Variants in PITPNM2 observed in about 807,000 individuals in gnomAD.
The protein encoded by PITPNM2 is membrane-associated phosphatidylinositol transfer protein 2.
A neutral mutation model predicts 132.2 loss-of-function variants in PITPNM2; 35 were observed. The ratio of observed to expected loss-of-function variants is 0.26; its 90% CI spans 0.20 to 0.35. The LOEUF (loss-of-function observed/expected upper bound fraction) is 0.35, where lower values mean the gene tolerates loss of function less well. Among genes scored for constraint, PITPNM2 ranks in the 10% least tolerant of loss-of-function variants. PITPNM2 has a pLI of 1.00. For synonymous variants in PITPNM2, 738 were observed against 799.2 expected (o/e 0.92, Z 1.29); for missense variants, 1,332 against 1,912.0 (o/e 0.70, Z 5.66).
intron 4 of PITPNM2, 106 bp from the exon 5 acceptor site, chr12:123,012,840 A>T: frequency 6.8e-7 from 1 of 1,465,426 alleles, no homozygotes; most frequent in East Asian, 2.3e-5. Context: ...GTGAGCGGGC[A>T]TGGAAGGAGG....
chr12:123,122,794 T>C (rs1423762335), intron 1 of PITPNM2, among the ~76,000 whole-genome samples: 2 of 152,204 alleles, frequency 1.3e-5, no homozygotes, highest in African/African-American at 4.8e-5. Context: ...GGAACTACCC[T>C]ACAGCCTGCC....
chr12:122,994,771 C>A lies in PITPNM2; in HGVS notation c.2233+30G>T, dbSNP rs568021314. 4 of 1,592,870 alleles carry A rather than the reference C, an allele frequency of 2.5e-6. No homozygotes were observed. The highest frequency in any genetic ancestry group is 2.6e-6 in the Non-Finnish European group (3 of 1,171,998). On this transcript the variant is annotated intron_variant, in intron 15 of 25. Transcript: ENST00000320201. This position sits in a 1 kb window ranked among gnomAD's most constrained non-coding sequence, Gnocchi z 5.4. The stretch of plus-strand genomic sequence containing the variant: ...CCCGCCCCCGCACCCAGTGCATGTA[C>A]CCCCCATCCTGCCCCTGCTGGGCTC...
chr12:123,039,843 T>TA (rs2040401616), intron 2 of PITPNM2, among the ~76,000 whole-genome samples: 1 of 151,948 alleles, frequency 6.6e-6, no homozygotes, highest in Non-Finnish European at 1.5e-5. Context: ...AAACAGCTCT[T>TA]AAAAAAAATA....
intron 2 of PITPNM2, among the ~76,000 whole-genome samples, chr12:123,062,724 C>A (rs1378521357): frequency 1.3e-5 from 2 of 152,176 alleles, no homozygotes; most frequent in Non-Finnish European, 2.9e-5. Flanking sequence ...AGCCTCACCT[C>A]AGTTCAGGAA....
At position 123,022,475 on chromosome 12, in the gene PITPNM2, G is replaced by A. The variant is rs2136334384; in HGVS notation, c.79-8433C>T. 6.6e-6 allele frequency among the ~76,000 whole-genome samples: 1 copy of A among 152,204 alleles called. No individual in the cohort carries two copies. The highest frequency in any genetic ancestry group is 2.4e-5 in the African/African-American group (1 of 41,530). On this transcript the variant is annotated intron_variant, in intron 3 of 25. Coordinates refer to ENST00000320201, the MANE Select transcript of PITPNM2 (RefSeq NM_020845.3). The surrounding 1 kb of genome is among the most constrained non-coding windows in gnomAD (Gnocchi z 4.9). ...GCAGGCAGGGAGAGAGGGCTTCCTG[G>A]AAAAAGAGGCTACCAAGGGAGGCAA...
intron 1 of PITPNM2, among the ~76,000 whole-genome samples, chr12:123,123,932 C>T (rs529440625): frequency 4.8e-5 from 7 of 144,508 alleles, no homozygotes; most frequent in Admixed American, 6.9e-5. Context: ...CAAGATTCTG[C>T]CTCAAAAAAA....
intron 3 of PITPNM2, among the ~76,000 whole-genome samples, chr12:123,021,049 A>G (rs1416345263): frequency 6.6e-6 from 1 of 151,070 alleles, no homozygotes; most frequent in South Asian, 2.1e-4. Flanking sequence ...AAAAAAAAAA[A>G]AAAAAAGAAA....
At chr12:123,033,193 G>A (rs752126422) in intron 3 of PITPNM2, among the ~76,000 whole-genome samples, 7 of 152,244 alleles carry the variant, frequency 4.6e-5, no homozygotes, top group Non-Finnish European at 7.3e-5. Flanking sequence ...AGGGACTGGA[G>A]GCACTGATAT....
intron 18 of PITPNM2, among the ~76,000 whole-genome samples, 167 bp from the exon 19 acceptor site, chr12:122,989,039 C>G (rs1221711197): frequency 1.3e-5 from 2 of 152,178 alleles, no homozygotes; most frequent in Non-Finnish European, 2.9e-5. Flanking sequence ...CGGGAGGGAG[C>G]GCAGGCAAAA....
chr12:123,001,091 C>T lies in PITPNM2; in HGVS notation c.1116G>A (p.Met372Ile), dbSNP rs946253366. The change falls in exon 9 of 26, where the codon ATG becomes ATA. Residue 372 changes from methionine to isoleucine, a missense_variant. By Grantham distance (10) the Met-to-Ile change is conservative. Around this residue, in one of 6 missense-constraint regions of PITPNM2, gnomAD observed 710 missense variants for 911.5 expected, o/e 0.78. Coordinates refer to ENST00000320201, the MANE Select transcript of PITPNM2 (RefSeq NM_020845.3). The stretch of plus-strand genomic sequence containing the variant: ...CCGGCTCTGGGCTCTCGATCTTGTC[C>T]ATGAGGTCATTGGAGCTCCACTTGG... ...DITKWSSNDLMDKIESPEPED... is the reference protein window; with the variant it reads ...DITKWSSNDLIDKIESPEPED... 6.2e-7 allele frequency: 1 copy of T among 1,614,100 alleles called. No homozygotes were observed. The highest frequency in any genetic ancestry group is 1.3e-5 in the African/African-American group (1 of 74,932).
intron 8 of PITPNM2, 93 bp from the exon 9 acceptor site, chr12:123,001,251 C>G: frequency 1.1e-6 from 1 of 923,542 alleles, no homozygotes; most frequent in Non-Finnish European, 1.8e-6. Flanking sequence ...CGGCTCTGCT[C>G]TGACCGTTCC....
In PITPNM2 at chr12:123,096,828, A is replaced by G. The variant is rs564939410; in HGVS notation, c.-96+13557T>C. Among the ~76,000 whole-genome samples, 4 of 152,286 alleles carry G rather than the reference A, an allele frequency of 2.6e-5. No homozygotes were observed. In the South Asian group the frequency reaches 8.3e-4, roughly 32 times the overall value. The stretch of plus-strand genomic sequence containing the variant: ...GGCTTGTGGAAGTCAGGAGCCACCC[A>G]GCAGGATGGCAGGCTGGCCATAGAA... On this transcript the variant is annotated intron_variant, in intron 2 of 25. Coordinates refer to ENST00000320201, the MANE Select transcript of PITPNM2 (RefSeq NM_020845.3).
chr12:123,126,433 A>G (rs985066312), intron 1 of PITPNM2, among the ~76,000 whole-genome samples: 2 of 152,208 alleles, frequency 1.3e-5, no homozygotes, highest in Non-Finnish European at 2.9e-5. Context: ...CAGACCACCA[A>G]GCTTCAGGCG....
At chr12:123,051,570 T>C (rs1016833585) in intron 2 of PITPNM2, among the ~76,000 whole-genome samples, 1 of 152,256 alleles carries the variant, frequency 6.6e-6, no homozygotes, top group African/African-American at 2.4e-5. Context: ...TTAAATGCAC[T>C]GAACAGTTAT....
intron 1 of PITPNM2, among the ~76,000 whole-genome samples, chr12:123,149,536 G>A (rs1269320019): frequency 6.6e-6 from 1 of 152,192 alleles, no homozygotes; most frequent in African/African-American, 2.4e-5. Context: ...TCTGCTCCAC[G>A]GAGACACTGA....
In PITPNM2 at chr12:123,096,338, G is replaced by A. The variant is rs764190197; in HGVS notation, c.-96+14047C>T. Among the ~76,000 whole-genome samples, 42 of 152,168 alleles carry A rather than the reference G, an allele frequency of 2.8e-4. 1 individual carries two copies. The highest frequency in any genetic ancestry group is 1.6e-4 in the Non-Finnish European group (11 of 68,036). ...GGCCACAGAAGAGGAATGGGCTCGC[G>A]GGAAGCCACTTCCCATGATTGGTGA... On this transcript the variant is annotated intron_variant, in intron 2 of 25. Transcript: ENST00000320201.
In PITPNM2 at chr12:123,008,657, G is replaced by A. The variant is rs1055363696; in HGVS notation, c.643+1193C>T. On this transcript the variant is annotated intron_variant, in intron 6 of 25. Coordinates refer to ENST00000320201, the MANE Select transcript of PITPNM2 (RefSeq NM_020845.3). This position sits in a 1 kb window ranked among gnomAD's most constrained non-coding sequence, Gnocchi z 4.1. ...GGAATGCATCCCTCTCAATGGATGG[G>A]ACAGCTTCCTTCTCTTCCTGCCACC... 1.3e-5 allele frequency among the ~76,000 whole-genome samples: 2 copies of A among 152,202 alleles called. No homozygotes were observed. The highest frequency in any genetic ancestry group is 4.1e-4 in the South Asian group (2 of 4,824).
Position 123,004,701 on chromosome 12 carries a change from C to A in PITPNM2, c.953-212G>T. On this transcript the variant is annotated intron_variant, in intron 7 of 25. Transcript: ENST00000320201. This position sits in a 1 kb window ranked among gnomAD's most constrained non-coding sequence, Gnocchi z 4.9. ...TCCTGTCCGCCTGGCACAAGGCAGTCATGTCCCGGGGAGCATGGGTGGGGA... is the reference window on the plus strand; with the variant it reads ...TCCTGTCCGCCTGGCACAAGGCAGTAATGTCCCGGGGAGCATGGGTGGGGA... 3.3e-6 allele frequency: 2 copies of A among 615,130 alleles called. No homozygotes were observed. Among genetic ancestry groups the A allele is most frequent in the South Asian group, 3.7e-5 (2 of 54,080 alleles). 38.1% of individuals were successfully genotyped at this position (615,130 alleles called of 1,614,324 possible). A position where few individuals can be genotyped will look rare whatever the true frequency, so the allele number is the denominator to read the frequency against.
chr12:123,121,735 G>A (rs1402426175), intron 1 of PITPNM2, among the ~76,000 whole-genome samples: 4 of 151,738 alleles, frequency 2.6e-5, no homozygotes, highest in Non-Finnish European at 5.9e-5. Flanking sequence ...TTTTAGTAGA[G>A]GAAAGGTCTA....
Sources: allele counts gnomAD v4.1 joint callset (sites outside exome capture counted in the v4.1 genomes callset), GRCh38; gene constraint gnomAD v4.1.1; regional missense constraint gnomAD v4.1.1; non-coding constraint Gnocchi (gnomAD v3.1); transcripts MANE v1.5; gene names NCBI Gene and HGNC (gene_info 2026-07-23, HGNC 2026-07-21).